The following ENOX1 variants were observed in gnomAD, a reference collection of about 807,000 sequenced individuals.
ENOX1 encodes the protein ecto-NOX disulfide-thiol exchanger 1.
ENOX1 carries 42 observed loss-of-function variants against 82.5 expected under a neutral mutation model. The ratio of observed to expected loss-of-function variants is 0.51; its 90% CI spans 0.40 to 0.66. The LOEUF (loss-of-function observed/expected upper bound fraction) is 0.66, where lower values mean the gene tolerates loss of function less well. Ranked by LOEUF, ENOX1 falls within the 30% of genes least tolerant of loss-of-function variation. The probability of loss-of-function intolerance (pLI) is 0.00; values close to 1 mark genes in which losing one functional copy is unlikely to be tolerated. For synonymous variants in ENOX1, 271 were observed against 282.2 expected (o/e 0.96, Z 0.40); for missense variants, 608 against 811.6 (o/e 0.75, Z 3.05).
intron 2 of ENOX1, among the ~76,000 whole-genome samples, chr13:43,585,384 A>T (rs1256110996): frequency 1.3e-5 from 2 of 152,202 alleles, no homozygotes; most frequent in African/African-American, 4.8e-5. Flanking sequence ...TAACATATTT[A>T]TATTGCTTTA....
At chr13:43,572,963 G>C (rs1378224047) in intron 2 of ENOX1, among the ~76,000 whole-genome samples, 1 of 151,994 alleles carries the variant, frequency 6.6e-6, no homozygotes, top group Non-Finnish European at 1.5e-5. Flanking sequence ...ATTACCTCTG[G>C]GACATATATA....
At chr13:43,491,314 C>A (rs1030894166) in intron 2 of ENOX1, among the ~76,000 whole-genome samples, 2 of 152,168 alleles carry the variant, frequency 1.3e-5, no homozygotes, top group African/African-American at 2.4e-5. Flanking sequence ...CCAGGCCCCA[C>A]CTTCAGCATT....
At chr13:43,480,591 G>T (rs2058469688) in intron 3 of ENOX1, among the ~76,000 whole-genome samples, 1 of 152,132 alleles carries the variant, frequency 6.6e-6, no homozygotes, top group Admixed American at 6.6e-5. Context: ...AAATTAACAT[G>T]ATATGAGCTC....
At chr13:43,260,214 C>G (rs1470921387) in intron 14 of ENOX1, among the ~76,000 whole-genome samples, 1 of 152,232 alleles carries the variant, frequency 6.6e-6, no homozygotes, top group Non-Finnish European at 1.5e-5. Flanking sequence ...CTCTGACAGA[C>G]TTAAAGACAG....
At chr13:43,748,597 C>T (rs1445632684) in intron 1 of ENOX1, among the ~76,000 whole-genome samples, 3 of 152,084 alleles carry the variant, frequency 2.0e-5, no homozygotes, top group Admixed American at 6.6e-5. Flanking sequence ...TGACCTTGGG[C>T]AAGTCGGTAA....
chr13:43,751,378 TA>T (rs1413708105), intron 1 of ENOX1, among the ~76,000 whole-genome samples: 2 of 152,208 alleles, frequency 1.3e-5, no homozygotes, highest in East Asian at 3.8e-4. Context: ...GTTTATGGAA[TA>T]ATAGTTTAAA....
At chr13:43,563,120 C>T (rs2079757202) in intron 2 of ENOX1, among the ~76,000 whole-genome samples, 1 of 152,038 alleles carries the variant, frequency 6.6e-6, no homozygotes, top group Non-Finnish European at 1.5e-5. Flanking sequence ...TTCTCAAAGA[C>T]AGACCATATG....
intron 2 of ENOX1, among the ~76,000 whole-genome samples, chr13:43,494,204 A>G (rs2153663741): frequency 6.6e-6 from 1 of 152,298 alleles, no homozygotes; most frequent in South Asian, 2.1e-4. Context: ...AGTCACACTG[A>G]CACCCAATCA....
chr13:43,507,680 A>T (rs1424114669), intron 2 of ENOX1, among the ~76,000 whole-genome samples: 1 of 152,086 alleles, frequency 6.6e-6, no homozygotes, highest in East Asian at 1.9e-4. Context: ...AAGAAAAGGC[A>T]TGAATCCAAG....
At chr13:43,535,351 A>G (rs2078412180) in intron 2 of ENOX1, among the ~76,000 whole-genome samples, 1 of 152,198 alleles carries the variant, frequency 6.6e-6, no homozygotes, top group African/African-American at 2.4e-5. Flanking sequence ...GAGCAAAAAC[A>G]TATGAGAAGA....
At chr13:43,249,576 T>C (rs2043333894) in intron 14 of ENOX1, among the ~76,000 whole-genome samples, 1 of 152,222 alleles carries the variant, frequency 6.6e-6, no homozygotes, top group Admixed American at 6.5e-5. Flanking sequence ...TCTCAGTTCA[T>C]TTCTCAGTAT....
At chr13:43,553,394 C>T (rs1461843923) in intron 2 of ENOX1, among the ~76,000 whole-genome samples, 1 of 152,162 alleles carries the variant, frequency 6.6e-6, no homozygotes, top group Non-Finnish European at 1.5e-5. Flanking sequence ...ACAGACTGGG[C>T]TTGACACTTG....
chr13:43,465,847 T>C (rs1283086072), intron 3 of ENOX1, among the ~76,000 whole-genome samples: 1 of 152,198 alleles, frequency 6.6e-6, no homozygotes, highest in Non-Finnish European at 1.5e-5. Flanking sequence ...ATGAGAAACC[T>C]GGCTTGCACC....
rs1566445104 is a variant in ENOX1, at chr13:43,523,098, CAG to C, written c.-218-38948_-218-38947del. Among the ~76,000 whole-genome samples the C allele has an allele frequency of 6.0e-3, 912 of 152,280 alleles. 16 individuals are homozygous for C. The highest frequency in any genetic ancestry group is 0.021 in the African/African-American group (865 of 41,584). ...CAATAGTAATTCCTGACACACACCACAGTCCCTCACTCCCATCCTCTGCAAGA... is the reference window on the plus strand; with the variant it reads ...CAATAGTAATTCCTGACACACACCACTCCCTCACTCCCATCCTCTGCAAGA... On this transcript the variant is annotated intron_variant, in intron 2 of 16. Transcript: ENST00000690772.
intron 2 of ENOX1, among the ~76,000 whole-genome samples, chr13:43,588,639 G>A (rs1310351406): frequency 6.6e-6 from 1 of 152,190 alleles, no homozygotes; most frequent in Non-Finnish European, 1.5e-5. Context: ...CCTCTGAGCC[G>A]TGGTTTCCTC....
chr13:43,343,505 C>T (rs916170225), intron 9 of ENOX1, among the ~76,000 whole-genome samples: 6 of 152,142 alleles, frequency 3.9e-5, no homozygotes, highest in African/African-American at 1.4e-4. Flanking sequence ...TCATATGCTA[C>T]GCTGCTGTAA....
At chr13:43,560,795 A>G (rs945866735) in intron 2 of ENOX1, among the ~76,000 whole-genome samples, 9 of 152,214 alleles carry the variant, frequency 5.9e-5, no homozygotes, top group African/African-American at 1.9e-4. Flanking sequence ...TGCTTTGTTC[A>G]GGTGTCATGC....
rs146464768 is a variant in ENOX1, at chr13:43,477,705, C to T, written c.-75+6304G>A. Among the ~76,000 whole-genome samples the T allele has an allele frequency of 1.9e-3, 286 of 152,204 alleles. 5 individuals carry two copies. Among genetic ancestry groups the T allele is most frequent in the African/African-American group, 6.7e-3 (278 of 41,558 alleles). ...ACTCATACACTATTTATTTGAGTTACTCTTTTTTTTCTTTATGGGGTGTGA... is the reference window on the plus strand; with the variant it reads ...ACTCATACACTATTTATTTGAGTTATTCTTTTTTTTCTTTATGGGGTGTGA... On this transcript the variant is annotated intron_variant, in intron 3 of 16. Transcript: ENST00000690772.
intron 2 of ENOX1, among the ~76,000 whole-genome samples, chr13:43,518,635 A>G (rs1400050547): frequency 6.6e-6 from 1 of 152,148 alleles, no homozygotes; most frequent in South Asian, 2.1e-4. Context: ...TGTTCATGCA[A>G]TAGTACAGAA....
Sources: gnomAD v4.1 joint callset for allele counts (sites outside exome capture counted in the v4.1 genomes callset) on GRCh38, gnomAD v4.1.1 for gene constraint, MANE v1.5 for transcripts, NCBI Gene and HGNC (gene_info 2026-07-23, HGNC 2026-07-21) for gene names.